The following DNAJC1 variants were observed in gnomAD, a reference collection of about 807,000 sequenced individuals.
DNAJC1 encodes the protein dnaJ homolog subfamily C member 1.
In DNAJC1, 58 loss-of-function variants were observed where a neutral mutation model predicts 76.6. The observed-to-expected ratio is 0.76, with a 90% CI of 0.61 to 0.94. The LOEUF (loss-of-function observed/expected upper bound fraction) is 0.94, where lower values mean the gene tolerates loss of function less well. Among genes scored for constraint, DNAJC1 ranks in the 40% least tolerant of loss-of-function variants. The pLI is 0.00. For missense variants in DNAJC1, 689 were observed against 677.3 expected, an observed-to-expected ratio of 1.02 and a Z score of -0.19; for synonymous variants, 258 against 267.9, an observed-to-expected ratio of 0.96 and a Z score of 0.36.
intron 8 of DNAJC1, among the ~76,000 whole-genome samples, chr10:21,836,159 G>A (rs566787260): frequency 6.6e-5 from 10 of 152,292 alleles, no homozygotes; most frequent in Admixed American, 3.9e-4. Flanking sequence ...AGAAGACAGC[G>A]GGGGCCAATA....
intron 1 of DNAJC1, among the ~76,000 whole-genome samples, chr10:21,945,492 A>G (rs947408459): frequency 2.0e-5 from 3 of 152,170 alleles, no homozygotes; most frequent in African/African-American, 7.2e-5. Context: ...ATGTTTCCAG[A>G]GCAGGAAGGG....
chr10:21,798,298 A>T (rs1834772066), intron 9 of DNAJC1, among the ~76,000 whole-genome samples: 1 of 152,156 alleles, frequency 6.6e-6, no homozygotes. Flanking sequence ...CTTCCCCACC[A>T]AACAGTCAGA....
intron 7 of DNAJC1, among the ~76,000 whole-genome samples, chr10:21,893,720 A>G (rs186080178): frequency 3.9e-4 from 60 of 152,160 alleles, no homozygotes; most frequent in African/African-American, 1.3e-3. Flanking sequence ...ACATTAGAAA[A>G]GAAAAAAAGC....
At chr10:21,775,453 C>G (rs1834442462) in intron 9 of DNAJC1, among the ~76,000 whole-genome samples, 1 of 148,382 alleles carries the variant, frequency 6.7e-6, no homozygotes, top group South Asian at 2.2e-4. Context: ...TTGGCATCCT[C>G]AAATGATCAT....
intron 8 of DNAJC1, among the ~76,000 whole-genome samples, chr10:21,836,790 T>C (rs1406105982): frequency 6.6e-6 from 1 of 152,182 alleles, no homozygotes; most frequent in African/African-American, 2.4e-5. Context: ...ATCCTAAATA[T>C]ATATGCACCC....
chr10:21,832,992 A>C (rs1004256104), intron 8 of DNAJC1, among the ~76,000 whole-genome samples: 2 of 152,192 alleles, frequency 1.3e-5, no homozygotes, highest in African/African-American at 4.8e-5. Flanking sequence ...AGTTTCTGGA[A>C]TGTTTTCCCC....
At chr10:21,977,570 G>T (rs1838086266) in intron 1 of DNAJC1, among the ~76,000 whole-genome samples, 1 of 152,118 alleles carries the variant, frequency 6.6e-6, no homozygotes, top group Admixed American at 6.5e-5. Flanking sequence ...AATTCCAGAA[G>T]CCAATTTTGA....
chr10:21,919,023 AT>A, intron 5 of DNAJC1, 151 bp from the exon 6 acceptor site: 1 of 609,826 alleles, frequency 1.6e-6, no homozygotes, highest in Non-Finnish European at 2.9e-6. Flanking sequence ...TGAAATATTT[AT>A]AACTGACTTA....
At chr10:21,858,581 C>G (rs1168596793) in intron 8 of DNAJC1, among the ~76,000 whole-genome samples, 1 of 152,148 alleles carries the variant, frequency 6.6e-6, no homozygotes, top group Non-Finnish European at 1.5e-5. Flanking sequence ...GTCTTCCAAC[C>G]CAATACTAAC....
At chr10:21,890,499 TC>T (rs199596392) in intron 7 of DNAJC1, among the ~76,000 whole-genome samples, 2,847 of 149,188 alleles carry the variant, frequency 0.019, 38 homozygotes, top group Non-Finnish European at 0.029. Context: ...AACAAAGCCA[TC>T]CCCATATAAT....
At chr10:21,824,395 A>C (rs932186003) in intron 8 of DNAJC1, among the ~76,000 whole-genome samples, 3 of 152,224 alleles carry the variant, frequency 2.0e-5, no homozygotes, top group African/African-American at 7.2e-5. Context: ...CAGGTATACA[A>C]ACATGCGGTG....
chr10:21,882,976 G>A (rs1412045808), intron 7 of DNAJC1, among the ~76,000 whole-genome samples: 1 of 152,072 alleles, frequency 6.6e-6, no homozygotes, highest in African/African-American at 2.4e-5. Context: ...AGGCCTAGGA[G>A]CAGTGGTTCA....
chr10:21,946,071 T>TA (rs1837500480), intron 1 of DNAJC1, among the ~76,000 whole-genome samples: 1 of 146,074 alleles, frequency 6.8e-6, no homozygotes, highest in South Asian at 2.2e-4. Flanking sequence ...TTTTTTTTTT[T>TA]GCTCTGTTGC....
chr10:21,902,111 C>G (rs1836665355), intron 7 of DNAJC1, among the ~76,000 whole-genome samples: 1 of 152,034 alleles, frequency 6.6e-6, no homozygotes, highest in Non-Finnish European at 1.5e-5. Context: ...ATAAAAGAAG[C>G]ATGCAAGATA....
intron 1 of DNAJC1, among the ~76,000 whole-genome samples, chr10:21,972,228 A>G (rs145517254): frequency 0.014 from 2,059 of 152,100 alleles, 23 homozygotes; most frequent in Non-Finnish European, 0.021. Context: ...AATTTTCTAA[A>G]TGTTTATTCT....
intron 6 of DNAJC1, among the ~76,000 whole-genome samples, chr10:21,908,718 A>C (rs1183691584): frequency 6.6e-6 from 1 of 151,980 alleles, no homozygotes; most frequent in Non-Finnish European, 1.5e-5. Context: ...ACTTCAATTG[A>C]TTAGGGCTCT....
Position 21,854,203 on chromosome 10 carries a change from C to T in DNAJC1, c.978+28079G>A, listed in dbSNP as rs1366336787. Reference sequence around the variant, plus strand: ...TAATTATAATATAAGAATTATATCTCAATTCTTCCTAAAAGGTAGTTATTT... The same window carrying T: ...TAATTATAATATAAGAATTATATCTTAATTCTTCCTAAAAGGTAGTTATTT... On this transcript the variant is annotated intron_variant, in intron 8 of 11. Coordinates refer to ENST00000376980, the MANE Select transcript of DNAJC1 (RefSeq NM_022365.4). Among the ~76,000 whole-genome samples the T allele has an allele frequency of 2.0e-5, 3 of 151,888 alleles. No homozygotes were observed. The East Asian group carries it at 5.8e-4, about 29-fold the overall frequency.
rs1277459816 is a variant in DNAJC1 at position 21,911,086 on chromosome 10, AGGCG to A, written c.730-6478_730-6475del. On this transcript the variant is annotated intron_variant, in intron 6 of 11. Coordinates refer to ENST00000376980, the MANE Select transcript of DNAJC1 (RefSeq NM_022365.4). ...AAGGAAGGAAGGAAGGAAGGAAGGA[AGGCG>A]GGAAGGCGGGAAGGCGGGCAGGCGG... Among the ~76,000 whole-genome samples the A allele has an allele frequency of 1.5e-3, 174 of 116,852 alleles. 1 individual carries two copies. The Middle Eastern group carries it at 0.033, about 22-fold the overall frequency. The allele number at this position is 116,852 out of a possible 152,430, so 76.7% of individuals were successfully genotyped here.
At chr10:21,772,118 T>C (rs1448053093) in intron 9 of DNAJC1, among the ~76,000 whole-genome samples, 1 of 152,108 alleles carries the variant, frequency 6.6e-6, no homozygotes, top group Non-Finnish European at 1.5e-5. Context: ...ATTCTTTTTA[T>C]AAGTTGCCGA....
Sources: allele counts gnomAD v4.1 joint callset (sites outside exome capture counted in the v4.1 genomes callset), GRCh38; gene constraint gnomAD v4.1.1; transcripts MANE v1.5; gene names NCBI Gene and HGNC (gene_info 2026-07-23, HGNC 2026-07-21).